The following CHRM3 variants were observed in gnomAD, a reference collection of about 807,000 sequenced individuals.
CHRM3 encodes muscarinic acetylcholine receptor M3.
In CHRM3, 11 loss-of-function variants were observed where a neutral mutation model predicts 41.8. The observed-to-expected ratio is 0.26, with a 90% CI of 0.17 to 0.44. The LOEUF (loss-of-function observed/expected upper bound fraction) is 0.44, where lower values mean the gene tolerates loss of function less well. Ranked by LOEUF, CHRM3 falls within the 20% of genes least tolerant of loss-of-function variation. The probability of loss-of-function intolerance (pLI) is 1.00; values close to 1 mark genes in which losing one functional copy is unlikely to be tolerated. For missense variants in CHRM3, 571 were observed against 745.4 expected (o/e 0.77, Z 2.72); for synonymous variants, 297 against 301.4 (o/e 0.99, Z 0.15).
chr1:239,696,324 T>G (rs1170703773), intron 5 of CHRM3, among the ~76,000 whole-genome samples: 1 of 152,132 alleles, frequency 6.6e-6, no homozygotes, highest in African/African-American at 2.4e-5. Flanking sequence ...TAAAAAGTGC[T>G]GCCTTTTGTA....
intron 4 of CHRM3, among the ~76,000 whole-genome samples, chr1:239,643,764 C>A (rs981648713): frequency 6.6e-6 from 1 of 152,188 alleles, no homozygotes. Flanking sequence ...ATGCACGGTG[C>A]GCTGCACCCA....
intron 6 of CHRM3, among the ~76,000 whole-genome samples, chr1:239,846,963 T>C (rs999906116): frequency 2.0e-5 from 3 of 152,172 alleles, no homozygotes; most frequent in African/African-American, 7.2e-5. Context: ...GCTTCAGTAA[T>C]AGGGATTTCT....
chr1:239,712,127 A>G (rs1045508714), intron 5 of CHRM3, among the ~76,000 whole-genome samples: 6 of 152,162 alleles, frequency 3.9e-5, no homozygotes, highest in African/African-American at 1.4e-4. Context: ...TCTCAATTAT[A>G]CATTGTATCC....
intron 6 of CHRM3, among the ~76,000 whole-genome samples, chr1:239,840,582 C>T (rs1453526552): frequency 6.6e-6 from 1 of 152,120 alleles, no homozygotes; most frequent in Non-Finnish European, 1.5e-5. Flanking sequence ...GTAGTACACA[C>T]CATTGATGGA....
chr1:239,887,263 G>T (rs1265274161), intron 6 of CHRM3, among the ~76,000 whole-genome samples: 2 of 152,038 alleles, frequency 1.3e-5, no homozygotes, highest in Non-Finnish European at 2.9e-5. Flanking sequence ...GTGCAGTGGG[G>T]CAAGCTCAGC....
At chr1:239,415,011 GT>G (rs1353557673) in intron 1 of CHRM3, among the ~76,000 whole-genome samples, 1 of 152,176 alleles carries the variant, frequency 6.6e-6, no homozygotes, top group Non-Finnish European at 1.5e-5. Flanking sequence ...CTGCAAACAG[GT>G]TAAATAATTT....
At chr1:239,702,331 G>T (rs914522062) in intron 5 of CHRM3, among the ~76,000 whole-genome samples, 3 of 152,124 alleles carry the variant, frequency 2.0e-5, no homozygotes, top group African/African-American at 7.2e-5. Context: ...TTTGGATTCA[G>T]TTCTGGCATT....
At chr1:239,487,836 A>T (rs1436703184) in intron 1 of CHRM3, among the ~76,000 whole-genome samples, 1 of 151,352 alleles carries the variant, frequency 6.6e-6, no homozygotes, top group African/African-American at 2.4e-5. Context: ...AAATGACAAA[A>T]ATATGCTTGG....
At chr1:239,553,840 A>G (rs746197148) in intron 3 of CHRM3, among the ~76,000 whole-genome samples, 1 of 152,204 alleles carries the variant, frequency 6.6e-6, no homozygotes, top group Non-Finnish European at 1.5e-5. Context: ...GAAAATTTAA[A>G]TGTAGGGGCA....
At chr1:239,700,102 A>G (rs1030027637) in intron 5 of CHRM3, among the ~76,000 whole-genome samples, 3 of 152,264 alleles carry the variant, frequency 2.0e-5, no homozygotes, top group South Asian at 2.1e-4. Context: ...TCTGATAAAC[A>G]GATCCTCATA....
chr1:239,851,666 T>C (rs1572487889), intron 6 of CHRM3, among the ~76,000 whole-genome samples: 1 of 152,202 alleles, frequency 6.6e-6, no homozygotes, highest in East Asian at 1.9e-4. Flanking sequence ...CCCAGAATCA[T>C]TGTAATATAC....
intron 5 of CHRM3, among the ~76,000 whole-genome samples, chr1:239,803,652 A>G (rs1670387493): frequency 1.3e-5 from 2 of 152,188 alleles, no homozygotes; most frequent in Admixed American, 6.5e-5. Flanking sequence ...ATCATAGATG[A>G]CGTTCTTGAA....
intron 2 of CHRM3, among the ~76,000 whole-genome samples, chr1:239,531,103 T>C (rs1670372340): frequency 6.6e-6 from 1 of 152,148 alleles, no homozygotes; most frequent in African/African-American, 2.4e-5. Flanking sequence ...GAGATTGTTA[T>C]TAGGATTTTT....
chr1:239,651,583 A>G (rs1315269265), intron 4 of CHRM3, among the ~76,000 whole-genome samples: 1 of 152,074 alleles, frequency 6.6e-6, no homozygotes, highest in Non-Finnish European at 1.5e-5. Context: ...CAGCCCCTAG[A>G]GTTGAACTCC....
At chr1:239,490,246 G>T (rs1444461665) in intron 1 of CHRM3, among the ~76,000 whole-genome samples, 2 of 152,290 alleles carry the variant, frequency 1.3e-5, no homozygotes, top group Non-Finnish European at 1.5e-5. Context: ...AGGAGTAAAT[G>T]AATGTCTTAT....
At chr1:239,650,199 C>A (rs1457902811) in intron 4 of CHRM3, among the ~76,000 whole-genome samples, 1 of 151,530 alleles carries the variant, frequency 6.6e-6, no homozygotes. Context: ...CTCCACACTT[C>A]TTCTGTAACA....
chr1:239,546,145 A>G (rs919397806), intron 3 of CHRM3: 5 of 151,808 alleles, frequency 3.3e-5, no homozygotes, highest in Admixed American at 2.6e-4. Flanking sequence ...TTTATTATAC[A>G]GGGTATTTGA....
chr1:239,892,507 T>C (rs1282458686), intron 6 of CHRM3, among the ~76,000 whole-genome samples: 3 of 152,364 alleles, frequency 2.0e-5, no homozygotes, highest in Admixed American at 6.5e-5. Flanking sequence ...TTAAACTTCA[T>C]TGCAATCCTT....
intron 1 of CHRM3, among the ~76,000 whole-genome samples, chr1:239,393,167 A>T (rs1659189112): frequency 6.6e-6 from 1 of 152,134 alleles, no homozygotes; most frequent in Non-Finnish European, 1.5e-5. Context: ...CAAGACCCCC[A>T]TCTCTTCAAT....
Sources: gnomAD v4.1 joint callset for allele counts (sites outside exome capture counted in the v4.1 genomes callset) on GRCh38, gnomAD v4.1.1 for gene constraint, MANE v1.5 for transcripts, NCBI Gene and HGNC (gene_info 2026-07-23, HGNC 2026-07-21) for gene names.